FNDC3B: variants seen among roughly 807,000 people sequenced by gnomAD.
FNDC3B encodes the protein fibronectin type III domain-containing protein 3B.
FNDC3B carries 12 observed loss-of-function variants against 151.5 expected under a neutral mutation model. The observed-to-expected ratio is 0.08, with a 90% confidence interval of 0.05 to 0.13. The LOEUF is 0.13. Ranked by LOEUF, FNDC3B falls within the 10% of genes least tolerant of loss-of-function variation. The probability of loss-of-function intolerance (pLI) is 1.00; values close to 1 mark genes in which losing one functional copy is unlikely to be tolerated. For synonymous variants in FNDC3B, 528 were observed against 549.0 expected (o/e 0.96, Z 0.54); for missense variants, 1,214 against 1,505.3 (o/e 0.81, Z 3.20).
At chr3:172,169,434 G>A (rs980118778) in intron 3 of FNDC3B, among the ~76,000 whole-genome samples, 1 of 152,220 alleles carries the variant, frequency 6.6e-6, no homozygotes, top group Admixed American at 6.5e-5. Flanking sequence ...ATAAATGCAG[G>A]GGTTAAATGC....
chr3:172,174,928 CCGCCA>C (rs1373606008), intron 3 of FNDC3B, among the ~76,000 whole-genome samples: 2 of 40,190 alleles, frequency 5.0e-5, no homozygotes, highest in Non-Finnish European at 1.4e-4. Context: ...GACCTTCCCC[CCGCCA>C]CCCCCCCCCC....
intron 1 of FNDC3B, among the ~76,000 whole-genome samples, chr3:172,097,708 G>A (rs1224464469): frequency 6.6e-6 from 1 of 152,164 alleles, no homozygotes; most frequent in Non-Finnish European, 1.5e-5. Context: ...ATCTGACTGT[G>A]TAAATTGCAC....
intron 11 of FNDC3B, among the ~76,000 whole-genome samples, chr3:172,318,347 G>T (rs997955047): frequency 5.3e-5 from 8 of 152,234 alleles, no homozygotes; most frequent in Non-Finnish European, 1.0e-4. Flanking sequence ...GCCAGCCCCA[G>T]ATTGCAGCTT....
intron 1 of FNDC3B, among the ~76,000 whole-genome samples, chr3:172,043,428 C>A (rs1716191830): frequency 6.6e-6 from 1 of 152,148 alleles, no homozygotes. Context: ...CTCACTGTAG[C>A]CTCCACCTCC....
chr3:172,267,364 C>T (rs982316456), intron 6 of FNDC3B, among the ~76,000 whole-genome samples: 4 of 152,130 alleles, frequency 2.6e-5, no homozygotes, highest in Admixed American at 2.6e-4. Flanking sequence ...CCATGTTGCC[C>T]AGGCTGGTCT....
intron 6 of FNDC3B, among the ~76,000 whole-genome samples, chr3:172,256,790 A>T (rs1162591560): frequency 1.3e-5 from 2 of 152,156 alleles, no homozygotes; most frequent in Non-Finnish European, 2.9e-5. Context: ...TAGAGTAAAA[A>T]ACAAAAGCTT....
intron 3 of FNDC3B, among the ~76,000 whole-genome samples, chr3:172,166,223 C>T (rs930995410): frequency 2.0e-5 from 3 of 152,130 alleles, no homozygotes; most frequent in African/African-American, 7.2e-5. Context: ...GGCTTGTGAA[C>T]CTTTGACTTT....
intron 6 of FNDC3B, among the ~76,000 whole-genome samples, chr3:172,265,538 C>T (rs1576853448): frequency 6.6e-6 from 1 of 152,180 alleles, no homozygotes; most frequent in Middle Eastern, 3.4e-3. Flanking sequence ...GGCTAGAGTC[C>T]TATTGATTAA....
At position 172,333,187 on chromosome 3, in the gene FNDC3B, A is replaced by C. The variant is rs768462590; in HGVS notation, c.1641+12A>C. The C allele has an allele frequency of 6.6e-7, 1 of 1,526,632 alleles. No individual in the cohort carries two copies. The highest frequency in any genetic ancestry group is 9.1e-7 in the Non-Finnish European group (1 of 1,100,346). The allele number at this position is 1,526,632 out of a possible 1,614,324, so 94.6% of individuals were successfully genotyped here. A position where few individuals can be genotyped will look rare whatever the true frequency, so the allele number is the denominator to read the frequency against. On this transcript the variant is annotated intron_variant, in intron 14 of 25. Transcript: ENST00000415807. ...AGTATAAATTCAGGGTGAGTCAGTC[A>C]TTTTGCTACCTGAACTGCTTAAAAA...
intron 25 of FNDC3B, among the ~76,000 whole-genome samples, chr3:172,394,316 G>T (rs1337795322): frequency 2.0e-5 from 3 of 151,574 alleles, no homozygotes; most frequent in African/African-American, 7.3e-5. Flanking sequence ...AAGGAGACTA[G>T]AAAAACAGTA....
In FNDC3B at chr3:172,397,401, G is replaced by A. The variant is rs772942016; in HGVS notation, c.3541G>A (p.Ala1181Thr). Residue 1181 changes from alanine (A) to threonine (T), a missense_variant, in exon 26 of 26, where the codon GCC (alanine) becomes ACC (threonine). Physicochemically the swap from Ala to Thr is moderately conservative, Grantham distance 58. Transcript: ENST00000415807. The stretch of plus-strand genomic sequence containing the variant: ...GATGCCTACTGATGAACAGTTTGCA[G>A]CCATCATTGTGCTTGGCTTTGCAAC... ...SMMPTDEQFAAIIVLGFATLS... is the reference protein window; with the variant it reads ...SMMPTDEQFATIIVLGFATLS... The A allele has an allele frequency of 6.2e-7, 1 of 1,613,990 alleles. No homozygotes were observed. Among genetic ancestry groups the A allele is most frequent in the East Asian group, 2.2e-5 (1 of 44,890 alleles).
At chr3:172,317,189 CTT>C (rs562405291) in intron 11 of FNDC3B, 250 of 384,472 alleles carry the variant, frequency 6.5e-4, no homozygotes, top group Admixed American at 1.7e-3. Flanking sequence ...TTCTTTTTTT[CTT>C]TTTTTTTTTT....
chr3:172,277,867 C>T (rs1729514920), intron 6 of FNDC3B, among the ~76,000 whole-genome samples: 1 of 152,162 alleles, frequency 6.6e-6, no homozygotes, highest in Admixed American at 6.5e-5. Flanking sequence ...ATATTACCTG[C>T]CTAGTGGCTA....
intron 1 of FNDC3B, among the ~76,000 whole-genome samples, chr3:172,088,349 C>G (rs986753739): frequency 6.6e-6 from 1 of 152,206 alleles, no homozygotes; most frequent in African/African-American, 2.4e-5. Context: ...AAACCTAACT[C>G]CTGCAGCTAG....
chr3:172,127,062 G>T (rs747573154), intron 2 of FNDC3B: 1 of 456,716 alleles, frequency 2.2e-6, no homozygotes, highest in South Asian at 1.5e-5. Flanking sequence ...TCAGAGGTGA[G>T]AAGTGGCTGG....
chr3:172,059,414 A>G (rs911216708), intron 1 of FNDC3B, among the ~76,000 whole-genome samples: 1 of 152,092 alleles, frequency 6.6e-6, no homozygotes, highest in Non-Finnish European at 1.5e-5. Flanking sequence ...GGCATGGGGG[A>G]ATTTGAAGCT....
At chr3:172,123,494 G>T in intron 2 of FNDC3B, among the ~76,000 whole-genome samples, 1 of 152,028 alleles carries the variant, frequency 6.6e-6, no homozygotes, top group East Asian at 1.9e-4. Context: ...TAATCACTGA[G>T]CATGTTACTG....
intron 3 of FNDC3B, among the ~76,000 whole-genome samples, chr3:172,216,232 C>A (rs1221718060): frequency 2.6e-5 from 4 of 152,098 alleles, no homozygotes; most frequent in Non-Finnish European, 5.9e-5. Context: ...TATTGAGTTG[C>A]ATTTGTATAA....
rs766099113 is a variant in FNDC3B at position 172,352,839 on chromosome 3, C to A, written c.2551C>A (p.Leu851Ile). The A allele has an allele frequency of 6.2e-7, 1 of 1,614,158 alleles. No homozygotes were observed. Among genetic ancestry groups the A allele is most frequent in the East Asian group, 2.2e-5 (1 of 44,876 alleles). Residue 851 changes from leucine to isoleucine, a missense_variant, in exon 22 of 26, where the codon CTT becomes ATT. Physicochemically the swap from Leu to Ile is conservative, Grantham distance 5. Coordinates refer to ENST00000415807, the MANE Select transcript of FNDC3B (RefSeq NM_022763.4). The surrounding 1 kb of genome is among the most constrained non-coding windows in gnomAD (Gnocchi z 4.2). ...NQAGAGPYSE[L>I]VLCQTPASAP... ...AGCAGGGGCAGGGCCGTACAGTGAA[C>A]TTGTCCTTTGCCAGACGCCAGCGTC...
Sources: gnomAD v4.1 joint callset for allele counts (sites outside exome capture counted in the v4.1 genomes callset) on GRCh38, gnomAD v4.1.1 for gene constraint, Gnocchi (gnomAD v3.1) non-coding constraint, MANE v1.5 for transcripts, NCBI Gene and HGNC (gene_info 2026-07-23, HGNC 2026-07-21) for gene names.